Variants in EPHX2 observed in about 807,000 individuals in gnomAD.
EPHX2 encodes epoxide hydrolase 2.
EPHX2 carries 74 observed loss-of-function variants against 78.7 expected under a neutral mutation model. The ratio of observed to expected loss-of-function variants is 0.94; its 90% CI spans 0.78 to 1.14. The LOEUF (loss-of-function observed/expected upper bound fraction) is 1.14. Among genes scored for constraint, EPHX2 ranks in the 50% most tolerant of loss-of-function variants. EPHX2 has a pLI of 0.00. For synonymous variants in EPHX2, 251 were observed against 255.2 expected (o/e 0.98, Z 0.16); for missense variants, 715 against 702.5 (o/e 1.02, Z -0.20).
intron 1 of EPHX2, among the ~76,000 whole-genome samples, chr8:27,496,273 A>G (rs1204551579): frequency 6.6e-6 from 1 of 152,190 alleles, no homozygotes; most frequent in Non-Finnish European, 1.5e-5. Flanking sequence ...AACCATAAGT[A>G]AATCATCCAC....
chr8:27,501,389 T>TCTTCCTTCTTCCTTCTTCCTTCTTC (rs1554519564), intron 2 of EPHX2, among the ~76,000 whole-genome samples: 3 of 137,386 alleles, frequency 2.2e-5, no homozygotes, highest in African/African-American at 8.6e-5. Context: ...TTCTTCTTCT[T>TCTTCCTTCTTCCTTCTTCCTTCTTC]CTTCTTTCTT....
chr8:27,510,800 A>G (rs1181410701), intron 5 of EPHX2, among the ~76,000 whole-genome samples: 1 of 151,920 alleles, frequency 6.6e-6, no homozygotes, highest in African/African-American at 2.4e-5. Context: ...AAAAAAAAAA[A>G]TAGCTGGCCG....
At position 27,491,223 on chromosome 8, in the gene EPHX2, G is replaced by A. The variant is rs763205116; in HGVS notation, c.15G>A (p.Ala5=). 4 of 1,583,238 alleles carry A rather than the reference G, an allele frequency of 2.5e-6. No homozygotes were observed. In the African/African-American group the frequency reaches 4.1e-5, roughly 16 times the overall value. The change falls in exon 1 of 19, where the codon GCG becomes GCA. Residue 5 remains alanine (A), a synonymous_variant. Coordinates refer to ENST00000521400, the MANE Select transcript of EPHX2 (RefSeq NM_001979.6). ...GACCCGCCGCCATGACGCTGCGCGC[G>A]GCCGTCTTCGACCTTGACGGGGTGC... MTLR[A]AVFDLDGVLA...
chr8:27,511,871 C>A lies in EPHX2; in HGVS notation c.696C>A (p.Cys232Ter), dbSNP rs1341125542. 45 of 1,614,030 alleles carry A rather than the reference C, an allele frequency of 2.8e-5. No homozygotes were observed. Among genetic ancestry groups the A allele is most frequent in the Non-Finnish European group, 3.7e-5 (44 of 1,180,020 alleles). The part of the protein sequence containing the change: ...LNTPAPLPTS[C>*]NPSDMSHGYV... ...CCCCGGCCCCTCTGCCGACCTCTTG[C>A]AATCCAAGTGACATGAGCCATGGGT... Residue 232 changes from cysteine (C) to a stop codon, truncating the protein, a stop_gained, in exon 6 of 19, where the codon TGC becomes TGA. Transcript: ENST00000521400. LOFTEE classifies it high-confidence loss of function.
Position 27,544,558 on chromosome 8 carries a change from T to G in EPHX2, c.*36T>G. 1 of 1,603,632 alleles carries G rather than the reference T, an allele frequency of 6.2e-7. No individual in the cohort carries two copies. Among genetic ancestry groups the G allele is most frequent in the Non-Finnish European group, 8.5e-7 (1 of 1,171,750 alleles). On this transcript the variant is annotated 3_prime_UTR_variant, in exon 19 of 19. Transcript: ENST00000521400. ...GTGCCCACGCTCAGCAGGTGTGCCA[T>G]CCTTCCACCTGCTGGGGCACCATTC...
In EPHX2 at chr8:27,501,012, T is replaced by C. The variant is rs138702597; in HGVS notation, c.186+2T>C. ...AAAGGAGAGATCACACTTTCCCAGG[T>C]GAGGGGACATCACCACACAGAGCCC... On this transcript the variant is annotated splice_donor_variant, in intron 2 of 18. Transcript: ENST00000521400. LOFTEE classifies it high-confidence loss of function. The C allele has an allele frequency of 1.2e-6, 2 of 1,612,728 alleles. No homozygotes were observed. The highest frequency in any genetic ancestry group is 1.7e-6 in the Non-Finnish European group (2 of 1,179,278).
At chr8:27,541,326 G>A (rs1486883097) in intron 15 of EPHX2, 147 bp from the exon 16 acceptor site, 28 of 773,798 alleles carry the variant, frequency 3.6e-5, no homozygotes, top group Middle Eastern at 3.2e-4. Context: ...ACAGCAAGGC[G>A]TGGGTCCTGG....
At chr8:27,494,574 T>A (rs1813505125) in intron 1 of EPHX2, among the ~76,000 whole-genome samples, 1 of 152,218 alleles carries the variant, frequency 6.6e-6, no homozygotes, top group Non-Finnish European at 1.5e-5. Flanking sequence ...CCCCTTGACT[T>A]AGGCATATGG....
intron 3 of EPHX2, among the ~76,000 whole-genome samples, chr8:27,504,538 G>A (rs769515846): frequency 6.6e-6 from 1 of 152,248 alleles, no homozygotes; most frequent in Non-Finnish European, 1.5e-5. Flanking sequence ...GGACTAGAAA[G>A]AATGCTGGAC....
intron 12 of EPHX2, among the ~76,000 whole-genome samples, chr8:27,527,391 CATGTA>C (rs1457705014): frequency 1.3e-5 from 2 of 152,220 alleles, no homozygotes; most frequent in African/African-American, 2.4e-5. Context: ...TGGTAAAACA[CATGTA>C]ATGTAAAATT....
chr8:27,517,593 T>G (rs1814502911), intron 8 of EPHX2, among the ~76,000 whole-genome samples: 1 of 152,240 alleles, frequency 6.6e-6, no homozygotes. Flanking sequence ...TTGATCCACA[T>G]GTATGTGGTC....
chr8:27,513,783 AGT>A (rs1300157965), intron 6 of EPHX2, among the ~76,000 whole-genome samples: 1 of 152,124 alleles, frequency 6.6e-6, no homozygotes, highest in Non-Finnish European at 1.5e-5. Flanking sequence ...AAAGCTCAAG[AGT>A]GAGCTGTTTA....
intron 1 of EPHX2, among the ~76,000 whole-genome samples, chr8:27,496,954 A>G (rs6999685): frequency 0.29 from 43,536 of 152,090 alleles, 9,116 homozygotes; most frequent in African/African-American, 0.6. Flanking sequence ...AAGGGTGTGG[A>G]ACTTTCAGGC....
intron 12 of EPHX2, among the ~76,000 whole-genome samples, chr8:27,536,418 C>G (rs1815213330): frequency 5.3e-5 from 8 of 152,086 alleles, no homozygotes; most frequent in Admixed American, 5.2e-4. Flanking sequence ...TTCTCAGAAT[C>G]CTTGGAGCCC....
At position 27,540,473 on chromosome 8, in the gene EPHX2, C is replaced by T. The variant is rs1585224351; in HGVS notation, c.1277-81C>T. ...GCCTTGCGCAAGTTCAGATGGTCTG[C>T]GAGAGGCAATGAGGTCCCCACCTTA... On this transcript the variant is annotated intron_variant, in intron 14 of 18. Transcript: ENST00000521400. The T allele has an allele frequency of 2.9e-5, 35 of 1,223,196 alleles. No homozygotes were observed. In the East Asian group the frequency reaches 6.3e-4, roughly 22 times the overall value. The allele number at this position is 1,223,196 out of a possible 1,614,324, so 75.8% of individuals were successfully genotyped here. A position where few individuals can be genotyped will look rare whatever the true frequency, so the allele number is the denominator to read the frequency against.
chr8:27,523,715 T>A (rs74868696), intron 11 of EPHX2, among the ~76,000 whole-genome samples: 2,614 of 152,258 alleles, frequency 0.017, 78 homozygotes, highest in African/African-American at 0.06. Context: ...TTAAATTTTT[T>A]AAAAAAATTT....
chr8:27,508,421 T>TGACTCC (rs1306525380), intron 5 of EPHX2, among the ~76,000 whole-genome samples: 1 of 152,214 alleles, frequency 6.6e-6, no homozygotes, highest in East Asian at 1.9e-4. Context: ...AATTAAAATG[T>TGACTCC]ATACCCAGTG....
chr8:27,496,001 T>A (rs1183134352), intron 1 of EPHX2, among the ~76,000 whole-genome samples: 1 of 152,192 alleles, frequency 6.6e-6, no homozygotes, highest in Non-Finnish European at 1.5e-5. Flanking sequence ...GCCATCTCGC[T>A]GTATCTGGGG....
rs200893629 is a variant in EPHX2 at position 27,543,777 on chromosome 8, C to A, written c.1478C>A (p.Ala493Glu). The A allele has an allele frequency of 2.0e-5, 33 of 1,614,012 alleles. No homozygotes were observed. The East Asian group carries it at 6.5e-4, about 32-fold the overall frequency. The change falls in exon 17 of 19, where the codon GCG becomes GAG. Residue 493 changes from alanine (A) to glutamate (E), a missense_variant. Transcript: ENST00000521400. ...KILIPALMVT[A>E]EKDFVLVPQM... Reference sequence around the variant, plus strand: ...CTGATTCCGGCCCTGATGGTCACGGCGGAGAAGGACTTCGTGCTCGTTCCT... The same window carrying A: ...CTGATTCCGGCCCTGATGGTCACGGAGGAGAAGGACTTCGTGCTCGTTCCT...
Sources: allele counts gnomAD v4.1 joint callset (sites outside exome capture counted in the v4.1 genomes callset), GRCh38; gene constraint gnomAD v4.1.1; transcripts MANE v1.5; gene names NCBI Gene and HGNC (gene_info 2026-07-23, HGNC 2026-07-21).